The following UBAC2 variants were observed in gnomAD, a reference collection of about 807,000 sequenced individuals.
The protein encoded by UBAC2 is ubiquitin-associated domain-containing protein 2.
In UBAC2, 26 loss-of-function variants were observed where a neutral mutation model predicts 44.0. The observed-to-expected ratio is 0.59, with a 90% CI of 0.43 to 0.82. UBAC2 has a LOEUF of 0.82. UBAC2 is among the 40% of genes least tolerant of loss of function. The pLI, the probability that UBAC2 is intolerant of heterozygous loss-of-function variation, is 0.00. For missense variants in UBAC2, 329 were observed against 419.4 expected (o/e 0.78, Z 1.88); for synonymous variants, 155 against 154.3 (o/e 1.00, Z -0.04).
intron 5 of UBAC2, among the ~76,000 whole-genome samples, chr13:99,315,283 G>C (rs1362846597): frequency 6.6e-6 from 1 of 152,116 alleles, no homozygotes; most frequent in Admixed American, 6.5e-5. Flanking sequence ...TGCTATAGCA[G>C]ATTTAATATT....
intron 8 of UBAC2, among the ~76,000 whole-genome samples, chr13:99,375,010 T>C (rs1305829747): frequency 1.3e-5 from 2 of 152,176 alleles, no homozygotes; most frequent in Non-Finnish European, 2.9e-5. Context: ...CTCTAGTAGA[T>C]TGGAAATACG....
chr13:99,239,808 G>T (rs544642587), intron 2 of UBAC2, among the ~76,000 whole-genome samples: 1 of 152,304 alleles, frequency 6.6e-6, no homozygotes. Context: ...TCTGCCTTGG[G>T]AAATCTAAAC....
chr13:99,322,580 A>G (rs1386082688), intron 6 of UBAC2, among the ~76,000 whole-genome samples: 1 of 152,102 alleles, frequency 6.6e-6, no homozygotes, highest in Non-Finnish European at 1.5e-5. Flanking sequence ...TCTCCCTTCA[A>G]CGCAGCCCTT....
chr13:99,243,725 TG>T, intron 2 of UBAC2, 106 bp from the exon 3 acceptor site: 1 of 973,288 alleles, frequency 1.0e-6, no homozygotes, highest in South Asian at 1.6e-5. Flanking sequence ...ATTATGATTT[TG>T]TTTAGGACAT....
chr13:99,239,579 C>G (rs987521150), intron 2 of UBAC2, among the ~76,000 whole-genome samples: 9 of 152,136 alleles, frequency 5.9e-5, no homozygotes, highest in African/African-American at 2.2e-4. Context: ...ATGTAAGGGC[C>G]CCCGGGCCTT....
intron 4 of UBAC2, among the ~76,000 whole-genome samples, chr13:99,292,127 C>G (rs7332472): frequency 0.18 from 26,839 of 148,976 alleles, 2,574 homozygotes; most frequent in Middle Eastern, 0.23. Context: ...GGTTACATTC[C>G]TTTTTTTTTT....
chr13:99,307,170 A>G (rs1160552076), intron 4 of UBAC2, among the ~76,000 whole-genome samples: 2 of 152,216 alleles, frequency 1.3e-5, no homozygotes, highest in African/African-American at 4.8e-5. Flanking sequence ...AACTAGACCT[A>G]CCAGTCAGCA....
In UBAC2 at chr13:99,295,057, A is replaced by G. The variant is rs780903231; in HGVS notation, c.390-19040A>G. On this transcript the variant is annotated intron_variant, in intron 4 of 8. Coordinates refer to ENST00000403766, the MANE Select transcript of UBAC2 (RefSeq NM_001144072.2). The surrounding 1 kb of genome is among the most constrained non-coding windows in gnomAD (Gnocchi z 4.1). The stretch of plus-strand genomic sequence containing the variant: ...GTCACTATAAACCAAAATACAATCC[A>G]TTTCACTTTCCATTTGAAGACTTGG... 7 of 1,611,796 alleles carry G rather than the reference A, an allele frequency of 4.3e-6. No individual in the cohort carries two copies. In the South Asian group the frequency reaches 6.6e-5, roughly 15 times the overall value.
At chr13:99,213,812 TAAG>T (rs1162665430) in intron 1 of UBAC2, among the ~76,000 whole-genome samples, 2 of 152,208 alleles carry the variant, frequency 1.3e-5, no homozygotes, top group Non-Finnish European at 2.9e-5. Flanking sequence ...AATCAAAAGA[TAAG>T]AATATTTTAT....
chr13:99,296,158 A>AGGT, intron 4 of UBAC2: 1 of 1,556,724 alleles, frequency 6.4e-7, no homozygotes, highest in East Asian at 2.3e-5. Flanking sequence ...GTGGTGGTCC[A>AGGT]GGTGTCTAGA....
intron 4 of UBAC2, among the ~76,000 whole-genome samples, chr13:99,259,874 C>A (rs1227679080): frequency 6.6e-6 from 1 of 152,214 alleles, no homozygotes; most frequent in Non-Finnish European, 1.5e-5. Flanking sequence ...GACTTGAATT[C>A]TTCACGGTGC....
intron 4 of UBAC2, among the ~76,000 whole-genome samples, chr13:99,309,715 C>T (rs2044387316): frequency 6.6e-6 from 1 of 152,086 alleles, no homozygotes; most frequent in Admixed American, 6.5e-5. Context: ...ATCCTCCCAC[C>T]TCAGCTTCCT....
chr13:99,232,399 G>GAGAGAGATAT (rs1367302629), intron 1 of UBAC2, among the ~76,000 whole-genome samples: 1 of 109,902 alleles, frequency 9.1e-6, no homozygotes, highest in Non-Finnish European at 2.1e-5. Context: ...TTAGTTGAGA[G>GAGAGAGATAT]ATATAGATAT....
rs969629272 is a variant in UBAC2 at position 99,356,840 on chromosome 13, C to T, written c.808-10947C>T. Among the ~76,000 whole-genome samples the T allele has an allele frequency of 1.2e-4, 18 of 152,286 alleles. 1 individual carries two copies. The highest frequency in any genetic ancestry group is 4.1e-4 in the African/African-American group (17 of 41,562). On this transcript the variant is annotated intron_variant, in intron 7 of 8. Coordinates refer to ENST00000403766, the MANE Select transcript of UBAC2 (RefSeq NM_001144072.2). Reference sequence around the variant, plus strand: ...GCAGCATGGTTTCTTCTGGGCCTCGCGTTGCCCCATCTCTTATCCAAGTGG... The same window carrying T: ...GCAGCATGGTTTCTTCTGGGCCTCGTGTTGCCCCATCTCTTATCCAAGTGG...
chr13:99,269,534 T>G (rs1001089040), intron 4 of UBAC2, among the ~76,000 whole-genome samples: 3 of 152,220 alleles, frequency 2.0e-5, no homozygotes, highest in Non-Finnish European at 2.9e-5. Flanking sequence ...ATTTTTAAAT[T>G]TTGAAGTACG....
At chr13:99,344,326 G>C (rs1046790780) in intron 7 of UBAC2, among the ~76,000 whole-genome samples, 2 of 152,166 alleles carry the variant, frequency 1.3e-5, no homozygotes, top group Non-Finnish European at 2.9e-5. Flanking sequence ...GAGCTCCTTG[G>C]TGATTTGTTT....
chr13:99,249,969 G>C (rs2043438097), intron 4 of UBAC2, among the ~76,000 whole-genome samples: 1 of 152,270 alleles, frequency 6.6e-6, no homozygotes, highest in South Asian at 2.1e-4. Flanking sequence ...TTAGACCTTT[G>C]TCAGATGCAG....
chr13:99,321,566 G>A (rs1180085207), intron 6 of UBAC2, among the ~76,000 whole-genome samples: 1 of 152,190 alleles, frequency 6.6e-6, no homozygotes, highest in African/African-American at 2.4e-5. Context: ...CTGCCTCAAA[G>A]TGCTGGGATT....
chr13:99,334,166 G>A (rs1035942299), intron 6 of UBAC2, among the ~76,000 whole-genome samples: 5 of 151,762 alleles, frequency 3.3e-5, no homozygotes, highest in African/African-American at 1.2e-4. Context: ...TTGCTCTGTT[G>A]CCCAGGCTGG....
Sources: allele counts gnomAD v4.1 joint callset (sites outside exome capture counted in the v4.1 genomes callset), GRCh38; gene constraint gnomAD v4.1.1; non-coding constraint Gnocchi (gnomAD v3.1); transcripts MANE v1.5; gene names NCBI Gene and HGNC (gene_info 2026-07-23, HGNC 2026-07-21).